The following SUGCT variants were observed in gnomAD, a reference collection of about 807,000 sequenced individuals.
The protein encoded by SUGCT is succinyl-CoA:glutarate-CoA transferase.
In SUGCT, 41 loss-of-function variants were observed where a neutral mutation model predicts 55.0. The ratio of observed to expected loss-of-function variants is 0.74; its 90% confidence interval spans 0.58 to 0.97. The LOEUF is 0.97. Among genes scored for constraint, SUGCT ranks in the 50% least tolerant of loss-of-function variants. The probability of loss-of-function intolerance (pLI) is 0.00; values close to 1 mark genes in which losing one functional copy is unlikely to be tolerated. For synonymous variants in SUGCT, 187 were observed against 200.4 expected (o/e 0.93, Z 0.56); for missense variants, 568 against 547.8 (o/e 1.04, Z -0.37).
intron 8 of SUGCT, among the ~76,000 whole-genome samples, chr7:40,293,957 T>G (rs1253028139): frequency 1.3e-5 from 2 of 152,096 alleles, no homozygotes; most frequent in Non-Finnish European, 2.9e-5. Context: ...CTTTTTTTTT[T>G]GTTTTTTTGA....
At chr7:40,510,508 T>A (rs965987332) in intron 12 of SUGCT, among the ~76,000 whole-genome samples, 1 of 152,114 alleles carries the variant, frequency 6.6e-6, no homozygotes, top group Non-Finnish European at 1.5e-5. Context: ...GAAATCTTGT[T>A]TTTTGGTATC....
the SUGCT span, among the ~76,000 whole-genome samples, chr7:40,959,365 C>A: frequency 1.3e-5 from 2 of 152,332 alleles, no homozygotes; most frequent in East Asian, 3.9e-4. Flanking sequence ...GATGCCCTGC[C>A]TAGAGGGGAG....
chr7:40,448,322 T>G lies in SUGCT; in HGVS notation c.817-965T>G, dbSNP rs573675788. ...ATGCTTCTTACACTTTGTAGAAACA[T>G]AATGCTTTTTGCCTTATAATGCTTT... On this transcript the variant is annotated intron_variant, in intron 9 of 13. Transcript: ENST00000335693. Among the ~76,000 whole-genome samples the G allele has an allele frequency of 3.4e-5, 5 of 148,592 alleles. No homozygotes were observed. In the East Asian group the frequency reaches 8.3e-4, roughly 25 times the overall value.
At chr7:40,686,564 G>A (rs1416796414) in intron 12 of SUGCT, among the ~76,000 whole-genome samples, 2 of 152,078 alleles carry the variant, frequency 1.3e-5, no homozygotes, top group African/African-American at 2.4e-5. Context: ...AGGATTTGAC[G>A]ACTGACAGCT....
chr7:40,769,846 A>G (rs1009928309), intron 13 of SUGCT, among the ~76,000 whole-genome samples: 1 of 152,182 alleles, frequency 6.6e-6, no homozygotes, highest in Non-Finnish European at 1.5e-5. Context: ...TGATCCCTAA[A>G]CAAGGTAGCC....
chr7:40,282,968 T>C (rs184907517), intron 8 of SUGCT, among the ~76,000 whole-genome samples: 17 of 152,310 alleles, frequency 1.1e-4, no homozygotes, highest in Admixed American at 7.8e-4. Context: ...TTGACTTTTT[T>C]TTTTGGTGAA....
intron 12 of SUGCT, among the ~76,000 whole-genome samples, chr7:40,550,427 C>T (rs1299397915): frequency 6.6e-6 from 1 of 152,150 alleles, no homozygotes; most frequent in Admixed American, 6.5e-5. Flanking sequence ...CTTTCTGACA[C>T]CAATTCTGCT....
rs1562785952 is a variant in SUGCT, at chr7:40,449,303, A to T, written c.833A>T (p.Asp278Val). The T allele has an allele frequency of 4.3e-6, 7 of 1,611,510 alleles. 1 individual carries two copies. In the Admixed American group the frequency reaches 1.2e-4, roughly 27 times the overall value. Reference sequence around the variant, plus strand: ...TTCTTTTAGGCTTTTAAAACCAAGGATGGCTATATTGTAGTTGGAGCAGGA... The same window carrying T: ...TTCTTTTAGGCTTTTAAAACCAAGGTTGGCTATATTGTAGTTGGAGCAGGA... ...IVPYQAFKTK[D>V]GYIVVGAGNN... The change falls in exon 10 of 14, where the codon GAT (aspartate) becomes GTT (valine). Residue 278 changes from aspartate to valine, a missense_variant. Asp to Val is a radical substitution (Grantham distance 152). Coordinates refer to ENST00000335693, the MANE Select transcript of SUGCT (RefSeq NM_001193313.2).
intron 1 of SUGCT, among the ~76,000 whole-genome samples, chr7:40,175,741 A>C (rs754189232): frequency 2.0e-5 from 3 of 151,962 alleles, no homozygotes; most frequent in Non-Finnish European, 4.4e-5. Flanking sequence ...AAAGCACAAA[A>C]ATGTTAAAAA....
chr7:40,572,073 G>A (rs1292334676), intron 12 of SUGCT, among the ~76,000 whole-genome samples: 1 of 152,108 alleles, frequency 6.6e-6, no homozygotes, highest in Non-Finnish European at 1.5e-5. Context: ...TCCCGAATGT[G>A]GCATCTTGTT....
chr7:40,353,791 G>T (rs1419946631), intron 9 of SUGCT, among the ~76,000 whole-genome samples: 1 of 152,104 alleles, frequency 6.6e-6, no homozygotes, highest in Non-Finnish European at 1.5e-5. Context: ...AAATGTGTCT[G>T]AATTTTTTCA....
intron 9 of SUGCT, among the ~76,000 whole-genome samples, chr7:40,321,829 T>C (rs911208895): frequency 2.0e-5 from 3 of 152,222 alleles, no homozygotes; most frequent in African/African-American, 7.2e-5. Context: ...ATCCAGTCCA[T>C]TGTTGACAGG....
intron 12 of SUGCT, among the ~76,000 whole-genome samples, chr7:40,722,443 T>C (rs1786391570): frequency 6.6e-6 from 1 of 152,224 alleles, no homozygotes; most frequent in Admixed American, 6.5e-5. Flanking sequence ...TATAGTTCAT[T>C]TAAATGCTCC....
intron 13 of SUGCT, among the ~76,000 whole-genome samples, chr7:40,822,257 A>C (rs370329343): frequency 1.7e-4 from 26 of 152,236 alleles, no homozygotes; most frequent in East Asian, 1.4e-3. Context: ...TTGGGTGGAG[A>C]GTTCTATAGA....
intron 1 of SUGCT, among the ~76,000 whole-genome samples, chr7:40,164,708 T>A (rs1386371624): frequency 6.6e-6 from 1 of 152,190 alleles, no homozygotes; most frequent in Non-Finnish European, 1.5e-5. Context: ...TGAGTGATTG[T>A]GTTAAAGAGG....
chr7:40,837,194 A>G (rs1793029932), intron 13 of SUGCT, among the ~76,000 whole-genome samples: 1 of 152,168 alleles, frequency 6.6e-6, no homozygotes, highest in Non-Finnish European at 1.5e-5. Flanking sequence ...GCTAATATTG[A>G]ACGTCTTTAT....
chr7:40,343,251 A>G (rs1232277668), intron 9 of SUGCT, among the ~76,000 whole-genome samples: 2 of 152,182 alleles, frequency 1.3e-5, no homozygotes, highest in Non-Finnish European at 2.9e-5. Context: ...TTATTAACTC[A>G]TTAACTCAAA....
At chr7:40,481,346 A>G (rs981980987) in intron 11 of SUGCT, among the ~76,000 whole-genome samples, 1 of 150,386 alleles carries the variant, frequency 6.6e-6, no homozygotes, top group Non-Finnish European at 1.5e-5. Flanking sequence ...TCAAGAAAAG[A>G]TATATATATT....
chr7:40,331,985 A>G (rs1162900964), intron 9 of SUGCT, among the ~76,000 whole-genome samples: 1 of 152,214 alleles, frequency 6.6e-6, no homozygotes, highest in Non-Finnish European at 1.5e-5. Flanking sequence ...TTCTAAAGAG[A>G]AACAAACTCT....
Sources: gnomAD v4.1 joint callset for allele counts (sites outside exome capture counted in the v4.1 genomes callset) on GRCh38, gnomAD v4.1.1 for gene constraint, MANE v1.5 for transcripts, NCBI Gene and HGNC (gene_info 2026-07-23, HGNC 2026-07-21) for gene names.